NCAPG2: variants seen among roughly 807,000 people sequenced by gnomAD.
The protein encoded by NCAPG2 is non-SMC condensin II complex subunit G2, also known as condensin-2 complex subunit G2.
A neutral mutation model predicts 141.1 loss-of-function variants in NCAPG2; 53 were observed. The observed-to-expected ratio is 0.38, with a 90% CI of 0.30 to 0.47. The LOEUF (loss-of-function observed/expected upper bound fraction) is 0.47. NCAPG2 is among the 20% of genes least tolerant of loss of function. The pLI is 0.99. For missense variants in NCAPG2, 1,087 were observed against 1,389.0 expected (o/e 0.78, Z 3.46); for synonymous variants, 499 against 490.7 (o/e 1.02, Z -0.22).
Position 158,648,576 on chromosome 7 carries a change from C to T in NCAPG2, c.3076-2013G>A, listed in dbSNP as rs1587092780. 1.6e-5 allele frequency among the ~76,000 whole-genome samples: 2 copies of T among 121,880 alleles called. 1 individual carries two copies. The highest frequency in any genetic ancestry group is 3.5e-5 in the Non-Finnish European group (2 of 57,094). The allele number at this position is 121,880 out of a possible 152,430, so 80.0% of individuals were successfully genotyped here. A position where few individuals can be genotyped will look rare whatever the true frequency, so the allele number is the denominator to read the frequency against. Reference sequence around the variant, plus strand: ...ATGGACGACAACCACGCCAAATGGACGACAACCACGCCAAATGGACGACAA... The same window carrying T: ...ATGGACGACAACCACGCCAAATGGATGACAACCACGCCAAATGGACGACAA... On this transcript the variant is annotated intron_variant, in intron 24 of 27. Transcript: ENST00000356309.
At chr7:158,675,261 C>G (rs1833981916) in intron 12 of NCAPG2, among the ~76,000 whole-genome samples, 1 of 152,150 alleles carries the variant, frequency 6.6e-6, no homozygotes, top group Non-Finnish European at 1.5e-5. Flanking sequence ...CCCCTTCCCC[C>G]CTTACACTAA....
At chr7:158,656,001 C>A (rs1378658494) in intron 19 of NCAPG2, among the ~76,000 whole-genome samples, 1 of 152,160 alleles carries the variant, frequency 6.6e-6, no homozygotes, top group Non-Finnish European at 1.5e-5. Context: ...GACACTGGGG[C>A]CATCCTCCTG....
Position 158,662,225 on chromosome 7 carries a change from G to A in NCAPG2, c.1958C>T (p.Ser653Phe). 2.5e-6 allele frequency: 4 copies of A among 1,609,182 alleles called. No homozygotes were observed. Among genetic ancestry groups the A allele is most frequent in the Non-Finnish European group, 3.4e-6 (4 of 1,178,510 alleles). The change falls in exon 16 of 28, where the codon TCT (serine) becomes TTT (phenylalanine). Residue 653 changes from serine (S) to phenylalanine (F), a missense_variant. Coordinates refer to ENST00000356309, the MANE Select transcript of NCAPG2 (RefSeq NM_017760.7). Reference protein sequence around the residue: ...AKLYTINKFASVLPEYLKVFK... With the variant: ...AKLYTINKFAFVLPEYLKVFK... ...TACTTTCAGATACTCTGGAAGCACA[G>A]AGGCAAACTTGTTAATCGTGTAAAG...
chr7:158,692,579 T>C (rs934893954), intron 4 of NCAPG2, among the ~76,000 whole-genome samples: 9 of 152,104 alleles, frequency 5.9e-5, no homozygotes, highest in Non-Finnish European at 1.2e-4. Context: ...CTGTCTCTAC[T>C]AAAAATACAA....
At chr7:158,680,227 A>G in intron 10 of NCAPG2, 142 bp from the exon 11 acceptor site, 1 of 990,826 alleles carries the variant, frequency 1.0e-6, no homozygotes, top group Non-Finnish European at 1.5e-6. Context: ...GTTTAAATTG[A>G]CCAAACATTG....
In NCAPG2 at chr7:158,668,579, A is replaced by C. The variant is rs1223111875; in HGVS notation, c.1479+2935T>G. The C allele has an allele frequency of 2.0e-5, 7 of 356,922 alleles. No homozygotes were observed. The East Asian group carries it at 6.6e-4, about 34-fold the overall frequency. 22.1% of individuals were successfully genotyped at this position (356,922 alleles called of 1,614,324 possible). On this transcript the variant is annotated intron_variant, in intron 13 of 27. Coordinates refer to ENST00000356309, the MANE Select transcript of NCAPG2 (RefSeq NM_017760.7). The stretch of plus-strand genomic sequence containing the variant: ...GCCTGGATACAGTTTAGATAAAACA[A>C]GATCGGACATAGCAATAATTGTTGA...
chr7:158,662,334 C>A lies in NCAPG2; in HGVS notation c.1849G>T (p.Ala617Ser). 6.3e-7 allele frequency: 1 copy of A among 1,597,518 alleles called. No individual in the cohort carries two copies. Among genetic ancestry groups the A allele is most frequent in the South Asian group, 1.2e-5 (1 of 85,948 alleles). The change falls in exon 16 of 28, where the codon GCA (alanine) becomes TCA (serine). Residue 617 changes from alanine (A) to serine (S), a missense_variant. Transcript: ENST00000356309. Reference protein sequence around the residue: ...LDKTLSVNDVACMAGLLEIIV... With the variant: ...LDKTLSVNDVSCMAGLLEIIV... The stretch of plus-strand genomic sequence containing the variant: ...ATTTCTAGTAAACCTGCCATGCATG[C>A]AACATCGTTTACTGACAGTGTTTTG...
intron 16 of NCAPG2, among the ~76,000 whole-genome samples, chr7:158,661,182 C>T (rs539719224): frequency 3.0e-4 from 46 of 152,138 alleles, no homozygotes; most frequent in African/African-American, 9.9e-4. Context: ...AAGCTCAGGG[C>T]CTTGAAAGGG....
Position 158,683,793 on chromosome 7 carries a change from C to CA in NCAPG2, c.838-408dup, listed in dbSNP as rs1353693927. Among the ~76,000 whole-genome samples the CA allele has an allele frequency of 1.7e-4, 26 of 152,264 alleles. No individual in the cohort carries two copies. In the East Asian group the frequency reaches 2.5e-3, roughly 15 times the overall value. On this transcript the variant is annotated intron_variant, in intron 8 of 27. Transcript: ENST00000356309. ...ATTTGTTCCAACAGCCTCCACAGAACAAAAACAGAACTACCTCTACGGCGG... is the reference window on the plus strand; with the variant it reads ...ATTTGTTCCAACAGCCTCCACAGAACAAAAAACAGAACTACCTCTACGGCGG...
At chr7:158,662,464 G>A in intron 15 of NCAPG2, 97 bp from the exon 16 acceptor site, 1 of 1,086,388 alleles carries the variant, frequency 9.2e-7, no homozygotes, top group Non-Finnish European at 1.3e-6. Context: ...CAAAAATGTA[G>A]AGAACATCCG....
At chr7:158,636,977 C>T (rs376756861) in intron 27 of NCAPG2, among the ~76,000 whole-genome samples, 9 of 151,730 alleles carry the variant, frequency 5.9e-5, no homozygotes, top group South Asian at 2.1e-4. Context: ...AGACGGAGCC[C>T]TGCTCTGTCA....
chr7:158,658,315 G>T (rs376309110), intron 17 of NCAPG2, 23 bp downstream of exon 17: 9 of 1,589,394 alleles, frequency 5.7e-6, no homozygotes, highest in African/African-American at 2.7e-5. Flanking sequence ...CTTTTCTACC[G>T]TACCAAAAAA....
intron 4 of NCAPG2, among the ~76,000 whole-genome samples, 199 bp from the exon 5 acceptor site, chr7:158,690,921 T>G (rs922633207): frequency 6.6e-6 from 1 of 152,218 alleles, no homozygotes; most frequent in African/African-American, 2.4e-5. Flanking sequence ...TGTTTGACGA[T>G]TGTTATAAAA....
At position 158,680,783 on chromosome 7, in the gene NCAPG2, G is replaced by C; in HGVS notation, c.958C>G (p.Arg320Gly). 1 of 1,604,426 alleles carries C rather than the reference G, an allele frequency of 6.2e-7. No homozygotes were observed. The highest frequency in any genetic ancestry group is 8.5e-7 in the Non-Finnish European group (1 of 1,175,252). ...LSYFHHQKKVRQGVEEMLYRL... is the reference protein window; with the variant it reads ...LSYFHHQKKVGQGVEEMLYRL... Reference sequence around the variant, plus strand: ...TAAAGCATCTCTTCCACTCCCTGCCGAACTTTCTTTTGATGGTGAAAGTAA... The same window carrying C: ...TAAAGCATCTCTTCCACTCCCTGCCCAACTTTCTTTTGATGGTGAAAGTAA... Residue 320 changes from arginine to glycine, a missense_variant, in exon 10 of 28, where the codon CGG becomes GGG. Coordinates refer to ENST00000356309, the MANE Select transcript of NCAPG2 (RefSeq NM_017760.7).
chr7:158,642,359 G>A (rs146161938), intron 27 of NCAPG2, among the ~76,000 whole-genome samples: 5 of 152,022 alleles, frequency 3.3e-5, no homozygotes, highest in African/African-American at 1.2e-4. Flanking sequence ...AACATAGTGA[G>A]ACCCCATCTC....
At chr7:158,689,234 G>A (rs1479822013) in intron 6 of NCAPG2, among the ~76,000 whole-genome samples, 1 of 152,098 alleles carries the variant, frequency 6.6e-6, no homozygotes, top group East Asian at 1.9e-4. Context: ...ATTATATTAA[G>A]TATAGAACAA....
Position 158,652,299 on chromosome 7 carries a change from G to T in NCAPG2, c.2928C>A (p.Gly976=), listed in dbSNP as rs1831550447. 6.2e-7 allele frequency: 1 copy of T among 1,613,246 alleles called. No individual in the cohort carries two copies. Among genetic ancestry groups the T allele is most frequent in the Non-Finnish European group, 8.5e-7 (1 of 1,179,866 alleles). The change falls in exon 23 of 28, where the codon GGC becomes GGA. Residue 976 remains glycine, a synonymous_variant. Coordinates refer to ENST00000356309, the MANE Select transcript of NCAPG2 (RefSeq NM_017760.7). ...CCTGGGGAGTTCTGAGTACCCGCAG[G>T]CCTTCTTCCGGCTGCTTCCTGAAGC... ...ARSFRKQPEE[G]LRLLYSVQRP...
chr7:158,648,332 A>G (rs1330096261), intron 24 of NCAPG2, among the ~76,000 whole-genome samples: 1 of 152,196 alleles, frequency 6.6e-6, no homozygotes, highest in South Asian at 2.1e-4. Flanking sequence ...AAAAGATAAT[A>G]TAAAGTCAAC....
intron 16 of NCAPG2, among the ~76,000 whole-genome samples, 187 bp downstream of exon 16, chr7:158,662,007 C>A (rs531041187): frequency 6.6e-6 from 1 of 152,170 alleles, no homozygotes; most frequent in Non-Finnish European, 1.5e-5. Flanking sequence ...GACAGAGACA[C>A]AAGATCTCCA....
Sources: gnomAD v4.1 joint callset for allele counts (sites outside exome capture counted in the v4.1 genomes callset) on GRCh38, gnomAD v4.1.1 for gene constraint, MANE v1.5 for transcripts, NCBI Gene and HGNC (gene_info 2026-07-23, HGNC 2026-07-21) for gene names.